The following RAE1 variants were observed in gnomAD, a reference collection of about 807,000 sequenced individuals.
RAE1 encodes the protein ribonucleic acid export 1.
RAE1 carries 13 observed loss-of-function variants against 52.7 expected under a neutral mutation model. That is an observed-to-expected ratio of 0.25 (90% CI 0.16 to 0.39). The LOEUF is 0.39. Among genes scored for constraint, RAE1 ranks in the 10% least tolerant of loss-of-function variants. The pLI, the probability that RAE1 is intolerant of heterozygous loss-of-function variation, is 1.00. For synonymous variants in RAE1, 164 were observed against 153.1 expected (o/e 1.07, Z -0.52); for missense variants, 262 against 459.8 (o/e 0.57, Z 3.93).
intron 4 of RAE1, chr20:57,359,199 T>G: frequency 2.4e-6 from 1 of 424,818 alleles, no homozygotes; most frequent in Non-Finnish European, 4.1e-6. Flanking sequence ...ATTTGCTGAG[T>G]TCCTTTTATT....
Position 57,354,708 on chromosome 20 carries a change from G to A in RAE1, c.91-4G>A, listed in dbSNP as rs780052876. The A allele has an allele frequency of 3.4e-5, 53 of 1,552,880 alleles. No homozygotes were observed. Among genetic ancestry groups the A allele is most frequent in the South Asian group, 1.6e-4 (13 of 82,070 alleles). ...ACATTTTAACATTGACTTTTTTCCCGCAGGATATTGAAGTAACATCATCTC... is the reference window on the plus strand; with the variant it reads ...ACATTTTAACATTGACTTTTTTCCCACAGGATATTGAAGTAACATCATCTC... On this transcript the variant is annotated splice_region_variant and splice_polypyrimidine_tract_variant and intron_variant, in intron 2 of 11. Coordinates refer to ENST00000395841, the MANE Select transcript of RAE1 (RefSeq NM_003610.4).
At chr20:57,366,516 C>G (rs1334531573) in intron 5 of RAE1, among the ~76,000 whole-genome samples, 1 of 152,168 alleles carries the variant, frequency 6.6e-6, no homozygotes, top group African/African-American at 2.4e-5. Flanking sequence ...TCAGAGAACT[C>G]ACTATTGTGA....
rs915572709 is a variant in RAE1 at position 57,351,596 on chromosome 20, G to C, written c.-8+174G>C. ...GTCAGAGCTGGAAATGGCCTTAGGGGTCACCTAGGGCCTAATCCATCGTTT... is the reference window on the plus strand; with the variant it reads ...GTCAGAGCTGGAAATGGCCTTAGGGCTCACCTAGGGCCTAATCCATCGTTT... On this transcript the variant is annotated intron_variant, in intron 1 of 11. Coordinates refer to ENST00000395841, the MANE Select transcript of RAE1 (RefSeq NM_003610.4). 3 of 985,456 alleles carry C rather than the reference G, an allele frequency of 3.0e-6. No individual in the cohort carries two copies. The African/African-American group carries it at 5.2e-5, about 17-fold the overall frequency. The allele number at this position is 985,456 out of a possible 1,614,324, so 61.0% of individuals were successfully genotyped here.
chr20:57,366,840 A>G lies in RAE1; in HGVS notation c.409A>G (p.Lys137Glu). Residue 137 changes from lysine (K) to glutamate (E), a missense_variant, in exon 6 of 12, where the codon AAA (lysine) becomes GAA (glutamate). Transcript: ENST00000395841. ...DAPVKTIHWI[K>E]APNYSCVMTG... The stretch of plus-strand genomic sequence containing the variant: ...TCCTGTTAAAACCATCCATTGGATC[A>G]AAGCTCCAAACTACAGCTGTGTGAT... 1 of 1,613,840 alleles carries G rather than the reference A, an allele frequency of 6.2e-7. No individual in the cohort carries two copies. Among genetic ancestry groups the G allele is most frequent in the Non-Finnish European group, 8.5e-7 (1 of 1,179,712 alleles).
intron 4 of RAE1, among the ~76,000 whole-genome samples, chr20:57,364,957 A>G (rs967517545): frequency 2.6e-5 from 4 of 152,226 alleles, no homozygotes; most frequent in Non-Finnish European, 5.9e-5. Flanking sequence ...TGATGAATCT[A>G]TGTGAAGTGC....
intron 4 of RAE1, chr20:57,358,878 G>T (rs367680837): frequency 3.9e-5 from 42 of 1,089,080 alleles, no homozygotes; most frequent in Middle Eastern, 3.2e-4. Flanking sequence ...TTAATGCAGG[G>T]ATAGGAGGCT....
chr20:57,363,145 A>G (rs16980936), intron 4 of RAE1, among the ~76,000 whole-genome samples: 6,118 of 152,250 alleles, frequency 0.04, 179 homozygotes, highest in African/African-American at 0.09. Context: ...GTCTCATCCA[A>G]TTGAGGCCTG....
intron 7 of RAE1, among the ~76,000 whole-genome samples, chr20:57,367,716 G>A (rs1279437028): frequency 1.3e-5 from 2 of 148,466 alleles, no homozygotes; most frequent in African/African-American, 5.0e-5. Flanking sequence ...CTTCAGCCTT[G>A]GTGATAGAGT....
At chr20:57,359,651 G>A (rs1176808810) in intron 4 of RAE1, 1 of 152,240 alleles carries the variant, frequency 6.6e-6, no homozygotes, top group Admixed American at 6.5e-5. Flanking sequence ...ACCAGGCTCG[G>A]TAGGCGTGTC....
intron 11 of RAE1, chr20:57,375,236 T>C: frequency 1.7e-6 from 1 of 600,520 alleles, no homozygotes; most frequent in South Asian, 2.0e-5. Flanking sequence ...TGGTGAAATG[T>C]GTAGACTCGG....
At position 57,373,510 on chromosome 20, in the gene RAE1, C is replaced by T. The variant is rs1266988564; in HGVS notation, c.678C>T (p.Asn226=). The T allele has an allele frequency of 1.9e-6, 3 of 1,614,096 alleles. No individual in the cohort carries two copies. The highest frequency in any genetic ancestry group is 4.5e-5 in the East Asian group (2 of 44,882). Residue 226 remains asparagine (N), a synonymous_variant, in exon 9 of 12, where the codon AAC becomes AAT. Coordinates refer to ENST00000395841, the MANE Select transcript of RAE1 (RefSeq NM_003610.4). ...TGGCTATTTTTAAAGACAAACAGAACAAGCCTACTGGTTTTGCCCTGGGAA... is the reference window on the plus strand; with the variant it reads ...TGGCTATTTTTAAAGACAAACAGAATAAGCCTACTGGTTTTGCCCTGGGAA... The part of the protein sequence containing the change: ...RCVAIFKDKQ[N]KPTGFALGSI...
intron 4 of RAE1, among the ~76,000 whole-genome samples, chr20:57,360,610 C>T (rs2066877992): frequency 6.6e-6 from 1 of 152,162 alleles, no homozygotes; most frequent in African/African-American, 2.4e-5. Context: ...GTCTTAGCTA[C>T]TGTGTCTTCA....
chr20:57,366,152 C>T (rs1039656990), intron 5 of RAE1, among the ~76,000 whole-genome samples: 1 of 152,032 alleles, frequency 6.6e-6, no homozygotes, highest in African/African-American at 2.4e-5. Flanking sequence ...TGAATATCTC[C>T]CTAAGGAGGA....
rs6070089 is a variant in RAE1, at chr20:57,378,626, C to G, written c.*527C>G. The G allele has an allele frequency of 6.6e-6, 1 of 152,322 alleles. No individual in the cohort carries two copies. Among genetic ancestry groups the G allele is most frequent in the Non-Finnish European group, 1.5e-5 (1 of 68,216 alleles). 9.4% of individuals were successfully genotyped at this position (152,322 alleles called of 1,614,324 possible). A position where few individuals can be genotyped will look rare whatever the true frequency, so the allele number is the denominator to read the frequency against. ...CCCAGCTGCGCTCACTTCTGCTGCG[C>G]GGAACGGCAGCCTCTGTGAGCCCTG... is the stretch of plus-strand genomic sequence containing the variant. On this transcript the variant is annotated 3_prime_UTR_variant, in exon 12 of 12. Coordinates refer to ENST00000395841, the MANE Select transcript of RAE1 (RefSeq NM_003610.4).
chr20:57,357,414 C>G (rs1025633709), intron 4 of RAE1: 1 of 152,112 alleles, frequency 6.6e-6, no homozygotes, highest in African/African-American at 2.4e-5. Flanking sequence ...ATTGTTTTGT[C>G]AGATATATTT....
At chr20:57,372,848 G>A (rs1159448212) in intron 8 of RAE1, 5 of 152,502 alleles carry the variant, frequency 3.3e-5, no homozygotes, top group Non-Finnish European at 7.3e-5. Flanking sequence ...CTGGAAGGAG[G>A]AAGTGGTAAC....
At chr20:57,372,782 G>A (rs1348040659) in intron 8 of RAE1, 1 of 152,280 alleles carries the variant, frequency 6.6e-6, no homozygotes, top group Non-Finnish European at 1.5e-5. Flanking sequence ...CGGAAGCTCA[G>A]ATGACCAGCT....
chr20:57,373,052 G>C (rs2067059296), intron 8 of RAE1: 1 of 222,468 alleles, frequency 4.5e-6, no homozygotes, highest in South Asian at 6.1e-5. Context: ...TACCCTGTGA[G>C]ACGGGTGCGG....
intron 8 of RAE1, 89 bp downstream of exon 8, chr20:57,368,901 A>G: frequency 9.3e-7 from 1 of 1,078,286 alleles, no homozygotes. Context: ...TGTACTTTGT[A>G]AAACCTGTAA....
Sources: gnomAD v4.1 joint callset for allele counts (sites outside exome capture counted in the v4.1 genomes callset) on GRCh38, gnomAD v4.1.1 for gene constraint, MANE v1.5 for transcripts, NCBI Gene and HGNC (gene_info 2026-07-23, HGNC 2026-07-21) for gene names.